The following CNTNAP2 variants were observed in gnomAD, a reference collection of about 807,000 sequenced individuals.
CNTNAP2 encodes contactin-associated protein-like 2.
A neutral mutation model predicts 155.2 loss-of-function variants in CNTNAP2; 98 were observed. That is an observed-to-expected ratio of 0.63 (90% CI 0.54 to 0.75). The LOEUF (loss-of-function observed/expected upper bound fraction) is 0.75. CNTNAP2 is among the 30% of genes least tolerant of loss of function. The pLI, the probability that CNTNAP2 is intolerant of heterozygous loss-of-function variation, is 0.00. For synonymous variants in CNTNAP2, 651 were observed against 631.2 expected, an observed-to-expected ratio of 1.03 and a Z score of -0.47; for missense variants, 1,727 against 1,688.1, an observed-to-expected ratio of 1.02 and a Z score of -0.40.
At chr7:146,703,655 G>C (rs1340197816) in intron 1 of CNTNAP2, among the ~76,000 whole-genome samples, 2 of 152,068 alleles carry the variant, frequency 1.3e-5, no homozygotes, top group African/African-American at 4.8e-5. Flanking sequence ...GCAATTTCTT[G>C]CCATGTTCTC....
intron 2 of CNTNAP2, among the ~76,000 whole-genome samples, chr7:146,802,752 C>T (rs762691726): frequency 2.6e-5 from 4 of 152,094 alleles, no homozygotes; most frequent in African/African-American, 4.8e-5. Context: ...ATAAATTACC[C>T]AGTCATAGGT....
chr7:146,942,839 C>T (rs1047511151), intron 3 of CNTNAP2, among the ~76,000 whole-genome samples: 12 of 152,230 alleles, frequency 7.9e-5, no homozygotes, highest in Non-Finnish European at 1.8e-4. Flanking sequence ...TTGCCTGCAT[C>T]AACACTAAAA....
chr7:147,155,769 G>A (rs921331725), intron 8 of CNTNAP2, among the ~76,000 whole-genome samples: 5 of 152,098 alleles, frequency 3.3e-5, no homozygotes, highest in Non-Finnish European at 7.4e-5. Flanking sequence ...CTAAGCCTAT[G>A]TAGTAGTAGT....
chr7:146,668,427 CCTGTGT>C (rs1419640346), intron 1 of CNTNAP2, among the ~76,000 whole-genome samples: 25 of 101,212 alleles, frequency 2.5e-4, no homozygotes, highest in African/African-American at 9.4e-4. Flanking sequence ...CTGTAATTTT[CCTGTGT>C]GTGTGTGTGT....
At chr7:147,909,378 G>A (rs1044312640) in intron 14 of CNTNAP2, among the ~76,000 whole-genome samples, 11 of 152,092 alleles carry the variant, frequency 7.2e-5, no homozygotes, top group African/African-American at 2.4e-4. Context: ...CTAAAACTTA[G>A]ATTGAATACT....
chr7:146,126,658 AT>A (rs1797642309), intron 1 of CNTNAP2, among the ~76,000 whole-genome samples: 2 of 152,254 alleles, frequency 1.3e-5, no homozygotes, highest in Admixed American at 6.5e-5. Context: ...TATGATTGCT[AT>A]TACTAAAGTT....
intron 1 of CNTNAP2, among the ~76,000 whole-genome samples, chr7:146,620,830 C>T (rs1045343239): frequency 6.6e-6 from 1 of 151,940 alleles, no homozygotes; most frequent in Non-Finnish European, 1.5e-5. Flanking sequence ...TGCTTTTTTA[C>T]TTTCTTTCTT....
intron 21 of CNTNAP2, among the ~76,000 whole-genome samples, chr7:148,346,782 A>T (rs1256073172): frequency 2.3e-3 from 2 of 860 alleles, no homozygotes; most frequent in African/African-American, 4.4e-3. Context: ...TTAAAAAAAA[A>T]AAAAAAAAAA....
chr7:147,432,470 T>C (rs1253062749), intron 10 of CNTNAP2, among the ~76,000 whole-genome samples: 3 of 152,230 alleles, frequency 2.0e-5, no homozygotes, highest in African/African-American at 7.2e-5. Context: ...CCAAAGTGTA[T>C]GACATTAAGT....
At chr7:147,318,858 T>A (rs1795288003) in intron 9 of CNTNAP2, among the ~76,000 whole-genome samples, 1 of 152,104 alleles carries the variant, frequency 6.6e-6, no homozygotes, top group Non-Finnish European at 1.5e-5. Context: ...TATATTTAAA[T>A]TTTCAAAACA....
At chr7:146,574,180 C>T (rs1798486047) in intron 1 of CNTNAP2, among the ~76,000 whole-genome samples, 2 of 126,038 alleles carry the variant, frequency 1.6e-5, no homozygotes, top group African/African-American at 3.2e-5. Context: ...TCCTTAATCC[C>T]TTCACTTCTC....
At chr7:148,113,871 T>C (rs1290899749) in intron 15 of CNTNAP2, among the ~76,000 whole-genome samples, 1 of 152,228 alleles carries the variant, frequency 6.6e-6, no homozygotes, top group Non-Finnish European at 1.5e-5. Context: ...TCTACCTGCC[T>C]CATTATTCTG....
intron 16 of CNTNAP2, among the ~76,000 whole-genome samples, chr7:148,131,850 A>T (rs1015505849): frequency 7.3e-6 from 1 of 137,588 alleles, no homozygotes; most frequent in Admixed American, 7.3e-5. Flanking sequence ...AGCTGGCTTT[A>T]AAAAAAAAAA....
intron 3 of CNTNAP2, among the ~76,000 whole-genome samples, chr7:146,994,102 G>A (rs375713737): frequency 1.3e-5 from 2 of 152,108 alleles, no homozygotes; most frequent in Non-Finnish European, 2.9e-5. Context: ...ACATAATACA[G>A]CATCAAATTA....
intron 9 of CNTNAP2, among the ~76,000 whole-genome samples, chr7:147,382,782 G>A (rs568647919): frequency 5.9e-5 from 9 of 152,298 alleles, no homozygotes; most frequent in African/African-American, 2.2e-4. Flanking sequence ...GAGACAAGAA[G>A]TCAGTACAGG....
chr7:147,703,022 G>A (rs1259672336), intron 13 of CNTNAP2, among the ~76,000 whole-genome samples: 1 of 152,042 alleles, frequency 6.6e-6, no homozygotes, highest in Non-Finnish European at 1.5e-5. Flanking sequence ...TTCAAGCAAT[G>A]GTAAGAAGTG....
At chr7:146,856,095 A>G (rs778686206) in intron 3 of CNTNAP2, among the ~76,000 whole-genome samples, 4 of 151,858 alleles carry the variant, frequency 2.6e-5, no homozygotes, top group Admixed American at 6.6e-5. Flanking sequence ...ACAAAATTAC[A>G]TAAGAGCCAA....
intron 3 of CNTNAP2, among the ~76,000 whole-genome samples, chr7:146,931,114 C>A (rs1212281069): frequency 6.7e-6 from 1 of 149,286 alleles, no homozygotes; most frequent in Non-Finnish European, 1.5e-5. Flanking sequence ...ACTCTCCACC[C>A]CAAATCAACA....
At chr7:147,133,414 G>T (rs1009285374) in intron 8 of CNTNAP2, among the ~76,000 whole-genome samples, 7 of 152,018 alleles carry the variant, frequency 4.6e-5, no homozygotes, top group African/African-American at 1.4e-4. Flanking sequence ...TCATGACAGA[G>T]AGCTCAATTG....
Sources: allele counts gnomAD v4.1 joint callset (sites outside exome capture counted in the v4.1 genomes callset), GRCh38; gene constraint gnomAD v4.1.1; transcripts MANE v1.5; gene names NCBI Gene and HGNC (gene_info 2026-07-23, HGNC 2026-07-21).